CDK19: variants seen among roughly 807,000 people sequenced by gnomAD.
The protein encoded by CDK19 is cyclin dependent kinase 19, also known as cyclin-dependent kinase 19.
In CDK19, 20 loss-of-function variants were observed where a neutral mutation model predicts 68.3. The ratio of observed to expected loss-of-function variants is 0.29; its 90% CI spans 0.21 to 0.43. CDK19 has a LOEUF of 0.43. Ranked by LOEUF, CDK19 falls within the 20% of genes least tolerant of loss-of-function variation. CDK19 has a pLI of 1.00. For missense variants in CDK19, 339 were observed against 623.5 expected (o/e 0.54, Z 4.86); for synonymous variants, 221 against 222.8 (o/e 0.99, Z 0.07).
rs1160535432 is a variant in CDK19 at position 110,753,126 on chromosome 6, T to C, written c.129-6925A>G. On this transcript the variant is annotated intron_variant, in intron 1 of 12. Transcript: ENST00000368911. ...TGTACTTTTTGTAGAGACAGGGTTG[T>C]GCCACGTTGCCCAAGCTGGTCTCGA... 2.6e-5 allele frequency among the ~76,000 whole-genome samples: 4 copies of C among 151,014 alleles called. No individual in the cohort carries two copies. In the East Asian group the frequency reaches 6.0e-4, roughly 22 times the overall value.
intron 2 of CDK19, among the ~76,000 whole-genome samples, chr6:110,730,623 G>C (rs1411346767): frequency 2.0e-5 from 3 of 152,234 alleles, no homozygotes; most frequent in Non-Finnish European, 4.4e-5. Context: ...TTCTAGATTA[G>C]TACCAGCTGC....
intron 2 of CDK19, among the ~76,000 whole-genome samples, chr6:110,731,061 AAAAG>A (rs948439909): frequency 2.4e-4 from 36 of 151,950 alleles, no homozygotes; most frequent in Admixed American, 7.9e-4. Flanking sequence ...TCAAACAAAA[AAAAG>A]AAAGAAAGAA....
chr6:110,708,032 T>C (rs1255229320), intron 2 of CDK19, among the ~76,000 whole-genome samples: 1 of 152,146 alleles, frequency 6.6e-6, no homozygotes, highest in Non-Finnish European at 1.5e-5. Flanking sequence ...TTTAATATTA[T>C]AAACAATGCT....
chr6:110,670,537 A>C lies in CDK19; in HGVS notation c.209T>G (p.Leu70Trp). The C allele has an allele frequency of 6.3e-7, 1 of 1,595,830 alleles. No individual in the cohort carries two copies. The highest frequency in any genetic ancestry group is 8.6e-7 in the Non-Finnish European group (1 of 1,163,404). Residue 70 changes from leucine to tryptophan, a missense_variant, in exon 3 of 13, where the codon TTG becomes TGG. Transcript: ENST00000368911. The stretch of plus-strand genomic sequence containing the variant: ...CACATTAGGGTGCTTCAATTCTCGC[A>C]AAAGCTGAATGCAAAAGAAAGAGAG... ...SMSACREIAL[L>W]RELKHPNVIA...
chr6:110,618,112 C>T (rs1306993088), intron 12 of CDK19, among the ~76,000 whole-genome samples: 2 of 151,874 alleles, frequency 1.3e-5, no homozygotes, highest in Non-Finnish European at 2.9e-5. Context: ...GATAGAAACC[C>T]AAACCAGACT....
rs766259977 is a variant in CDK19, at chr6:110,614,587, G to A, written c.1457C>T (p.Ser486Leu). Residue 486 changes from serine (S) to leucine (L), a missense_variant, in exon 13 of 13, where the codon TCG becomes TTG. Physicochemically the swap from Ser to Leu is moderately radical, Grantham distance 145. This residue lies in a region of CDK19 where 155 missense variants were observed against 222.7 expected (regional missense o/e 0.70). Transcript: ENST00000368911. ...QSQSTLGYSSSSQQSSQYHPS... is the reference protein window; with the variant it reads ...QSQSTLGYSSLSQQSSQYHPS... ...GTGGTACTGTGAGCTCTGCTGAGAC[G>A]AGGAAGAGTAGCCAAGTGTGCTCTG... The A allele has an allele frequency of 2.4e-5, 38 of 1,613,864 alleles. No homozygotes were observed. The highest frequency in any genetic ancestry group is 1.6e-4 in the Middle Eastern group (1 of 6,084).
intron 1 of CDK19, among the ~76,000 whole-genome samples, chr6:110,806,454 C>T (rs1019110260): frequency 2.0e-5 from 3 of 152,116 alleles, no homozygotes; most frequent in Non-Finnish European, 4.4e-5. Context: ...ATTAGTAAAC[C>T]ATTCCAAGCC....
intron 2 of CDK19, among the ~76,000 whole-genome samples, chr6:110,704,163 C>T (rs571700943): frequency 9.9e-5 from 15 of 152,252 alleles, no homozygotes; most frequent in Non-Finnish European, 1.9e-4. Flanking sequence ...TTGGTCAAGA[C>T]AGATAACTCC....
chr6:110,720,710 T>C (rs1229850319), intron 2 of CDK19, among the ~76,000 whole-genome samples: 1 of 151,336 alleles, frequency 6.6e-6, no homozygotes, highest in Non-Finnish European at 1.5e-5. Context: ...CTAACAAAAG[T>C]ACAAAACTTA....
chr6:110,789,467 C>T (rs1394091268), intron 1 of CDK19, among the ~76,000 whole-genome samples: 4 of 152,072 alleles, frequency 2.6e-5, no homozygotes, highest in Admixed American at 6.6e-5. Flanking sequence ...TTAGTAGAGA[C>T]GGGGTTTCAG....
chr6:110,794,002 T>C (rs1428171793), intron 1 of CDK19, among the ~76,000 whole-genome samples: 1 of 152,156 alleles, frequency 6.6e-6, no homozygotes, highest in African/African-American at 2.4e-5. Flanking sequence ...GAATGACAAA[T>C]CCACACACGA....
At chr6:110,791,166 G>A (rs553041789) in intron 1 of CDK19, among the ~76,000 whole-genome samples, 10 of 142,912 alleles carry the variant, frequency 7.0e-5, no homozygotes, top group South Asian at 2.4e-4. Context: ...GTGAGACTCC[G>A]TCTCAAAAAA....
chr6:110,808,371 G>A (rs916775248), intron 1 of CDK19, among the ~76,000 whole-genome samples: 2 of 152,190 alleles, frequency 1.3e-5, no homozygotes, highest in African/African-American at 4.8e-5. Flanking sequence ...ATAGCCTGCA[G>A]ACTAAATTCA....
chr6:110,789,249 T>G (rs1370527114), intron 1 of CDK19, among the ~76,000 whole-genome samples: 1 of 152,162 alleles, frequency 6.6e-6, no homozygotes, highest in Admixed American at 6.6e-5. Context: ...GTGTGGTCTT[T>G]AAGTGTTTCT....
chr6:110,800,749 T>C (rs111283723), intron 1 of CDK19, among the ~76,000 whole-genome samples: 2 of 152,216 alleles, frequency 1.3e-5, no homozygotes, highest in African/African-American at 4.8e-5. Flanking sequence ...AAATCTAACA[T>C]TCCCTTCATG....
chr6:110,670,879 T>C (rs1323634001), intron 2 of CDK19: 1 of 412,016 alleles, frequency 2.4e-6, no homozygotes, highest in African/African-American at 2.1e-5. Context: ...TATCATATCA[T>C]TAAATAATTA....
At chr6:110,728,114 C>G (rs1776467031) in intron 2 of CDK19, among the ~76,000 whole-genome samples, 1 of 151,884 alleles carries the variant, frequency 6.6e-6, no homozygotes, top group Admixed American at 6.6e-5. Context: ...ATGGTGAAAC[C>G]CTGTCTCTAC....
chr6:110,706,161 TTC>T (rs1774455232), intron 2 of CDK19, among the ~76,000 whole-genome samples: 1 of 151,740 alleles, frequency 6.6e-6, no homozygotes, highest in African/African-American at 2.4e-5. Flanking sequence ...GATGTGATTC[TTC>T]TGTGTCAGCC....
chr6:110,722,641 C>CCT (rs1397901089), intron 2 of CDK19, among the ~76,000 whole-genome samples: 6 of 151,806 alleles, frequency 4.0e-5, no homozygotes, highest in Admixed American at 6.6e-5. Context: ...AGTTTACAGA[C>CCT]CTCTCCTCAA....
Sources: allele counts gnomAD v4.1 joint callset (sites outside exome capture counted in the v4.1 genomes callset), GRCh38; gene constraint gnomAD v4.1.1; regional missense constraint gnomAD v4.1.1; transcripts MANE v1.5; gene names NCBI Gene and HGNC (gene_info 2026-07-23, HGNC 2026-07-21).